The following MRTFB variants were observed in gnomAD, a reference collection of about 807,000 sequenced individuals.
MRTFB encodes the protein myocardin related transcription factor B, also known as myocardin-related transcription factor B.
MRTFB carries 29 observed loss-of-function variants against 104.2 expected under a neutral mutation model. The ratio of observed to expected loss-of-function variants is 0.28; its 90% confidence interval spans 0.21 to 0.38. MRTFB has a LOEUF of 0.38. MRTFB is among the 10% of genes least tolerant of loss of function. MRTFB has a pLI of 1.00. For synonymous variants in MRTFB, 535 were observed against 519.5 expected, an observed-to-expected ratio of 1.03 and a Z score of -0.41; for missense variants, 1,270 against 1,341.6, an observed-to-expected ratio of 0.95 and a Z score of 0.83.
intron 2 of MRTFB, among the ~76,000 whole-genome samples, chr16:14,085,567 A>G (rs1308620448): frequency 6.6e-6 from 1 of 151,962 alleles, no homozygotes; most frequent in Non-Finnish European, 1.5e-5. Context: ...AACATTGTTG[A>G]CCATATACCA....
At chr16:14,241,631 A>G (rs1038002343) in intron 10 of MRTFB, among the ~76,000 whole-genome samples, 13 of 151,138 alleles carry the variant, frequency 8.6e-5, no homozygotes, top group African/African-American at 2.7e-4. Flanking sequence ...TGCTTTCTAC[A>G]TGTCGCGTAA....
chr16:14,069,156 G>T (rs2033552454), upstream of MRTFB, among the ~76,000 whole-genome samples: 1 of 148,542 alleles, frequency 6.7e-6, no homozygotes, highest in Non-Finnish European at 1.5e-5. Context: ...TTGTAGTAGA[G>T]AACGGGGTTT....
chr16:14,260,796 G>A lies in MRTFB; in HGVS notation c.2765-113G>A, dbSNP rs112717782. The A allele has an allele frequency of 0.029, 24,075 of 840,320 alleles. 443 individuals are homozygous for A. Among genetic ancestry groups the A allele is most frequent in the Middle Eastern group, 0.096 (367 of 3,808 alleles). The allele number at this position is 840,320 out of a possible 1,614,324, so 52.1% of individuals were successfully genotyped here. ...AGCATTCTCTTCCTACTTCTAAGAC[G>A]GACGTGCATAGAAGGAATCGCATAA... is the stretch of plus-strand genomic sequence containing the variant. On this transcript the variant is annotated intron_variant, in intron 16 of 16. Transcript: ENST00000571589.
intron 2 of MRTFB, among the ~76,000 whole-genome samples, chr16:14,100,705 T>C (rs1486363737): frequency 6.6e-6 from 1 of 152,240 alleles, no homozygotes. Context: ...TATTTGGATC[T>C]AATGTTTTCT....
chr16:14,017,711 A>ATATATATTT, the MRTFB span, among the ~76,000 whole-genome samples: 4 of 33,594 alleles, frequency 1.2e-4, no homozygotes, highest in Non-Finnish European at 1.5e-4. Flanking sequence ...ATATATATAT[A>ATATATATTT]TTTTTTTTTT....
chr16:14,171,214 T>G (rs1382860062), intron 3 of MRTFB, among the ~76,000 whole-genome samples: 1 of 152,124 alleles, frequency 6.6e-6, no homozygotes, highest in Non-Finnish European at 1.5e-5. Context: ...TTTAGTAGAG[T>G]ATTTATAAAC....
At chr16:14,004,849 C>T in the MRTFB span, among the ~76,000 whole-genome samples, 1 of 152,276 alleles carries the variant, frequency 6.6e-6, no homozygotes, top group Non-Finnish European at 1.5e-5. Flanking sequence ...TCTGGGCAGT[C>T]AGCATTTCCA....
intron 8 of MRTFB, among the ~76,000 whole-genome samples, chr16:14,221,672 GA>G (rs1567183354): frequency 6.6e-6 from 1 of 151,826 alleles, no homozygotes; most frequent in Non-Finnish European, 1.5e-5. Flanking sequence ...TTTTAATCTT[GA>G]AAATAACTCA....
intron 10 of MRTFB, among the ~76,000 whole-genome samples, chr16:14,244,883 T>TA (rs1204192730): frequency 6.6e-6 from 1 of 152,232 alleles, no homozygotes; most frequent in Non-Finnish European, 1.5e-5. Context: ...CCCTTTTACT[T>TA]AGTGCTTTTT....
the MRTFB span, among the ~76,000 whole-genome samples, chr16:14,048,880 G>GCA: frequency 6.6e-6 from 1 of 152,208 alleles, no homozygotes; most frequent in Admixed American, 6.5e-5. Flanking sequence ...GCAGAGCCAG[G>GCA]CATGTGGCAG....
Position 14,140,712 on chromosome 16 carries a change from T to C in MRTFB, c.106T>C (p.Ser36Pro). Residue 36 changes from serine to proline, a missense_variant, in exon 3 of 17, where the codon TCC becomes CCC. Ser to Pro is a moderately conservative substitution (Grantham distance 74). Around this residue, in one of 3 missense-constraint regions of MRTFB, gnomAD observed 62 missense variants for 57.2 expected, o/e 1.08. Transcript: ENST00000571589. The part of the protein sequence containing the change: ...EAVAHEFQEL[S>P]LQSSQNLPPL... ...TGTGGCTCATGAATTCCAGGAACTC[T>C]CCTTGCAGTCCAGTCAAAACTTACC... 1.2e-6 allele frequency: 2 copies of C among 1,614,164 alleles called. No homozygotes were observed. Among genetic ancestry groups the C allele is most frequent in the Non-Finnish European group, 1.7e-6 (2 of 1,180,034 alleles).
chr16:14,261,076 T>C lies in MRTFB; in HGVS notation c.2932T>C (p.Leu978=). Residue 978 remains leucine, a synonymous_variant, in exon 17 of 17, where the codon TTA becomes CTA. Coordinates refer to ENST00000571589, the MANE Select transcript of MRTFB (RefSeq NM_001308142.2). ...ACCTATGGGCAGTTTATCTGCCAGC[T>C]TAGAGAACCAACTAGAAGCTTTCTT... ...LEPMGSLSAS[L]ENQLEAFLDG... The C allele has an allele frequency of 4.3e-6, 7 of 1,614,212 alleles. No individual in the cohort carries two copies. The highest frequency in any genetic ancestry group is 5.9e-6 in the Non-Finnish European group (7 of 1,180,030).
Position 14,251,882 on chromosome 16 carries a change from A to G in MRTFB, c.2424A>G (p.Ser808=), listed in dbSNP as rs1567221160. The G allele has an allele frequency of 6.2e-7, 1 of 1,614,198 alleles. No individual in the cohort carries two copies. The highest frequency in any genetic ancestry group is 1.1e-5 in the South Asian group (1 of 91,078). The change falls in exon 14 of 17, where the codon TCA becomes TCG. Residue 808 remains serine (S), a synonymous_variant. Coordinates refer to ENST00000571589, the MANE Select transcript of MRTFB (RefSeq NM_001308142.2). ...TACAGGTTTTCACAAACTCAGCATC[A>G]TCAAATACAGTTCTTCCATATCAGA... is the stretch of plus-strand genomic sequence containing the variant. The part of the protein sequence containing the change: ...QVRKVFTNSA[S]SNTVLPYQRH...
chr16:14,135,283 T>G (rs1422791912), intron 2 of MRTFB, among the ~76,000 whole-genome samples: 3 of 152,226 alleles, frequency 2.0e-5, no homozygotes, highest in Admixed American at 2.0e-4. Flanking sequence ...TCCTCAAGCC[T>G]TGACGTTTTG....
intron 6 of MRTFB, among the ~76,000 whole-genome samples, chr16:14,215,455 T>A (rs376719863): frequency 2.6e-5 from 4 of 152,214 alleles, no homozygotes; most frequent in Non-Finnish European, 5.9e-5. Flanking sequence ...GTCATGGAGA[T>A]AGAGGAATAA....
chr16:14,108,675 T>C (rs975274984), intron 2 of MRTFB, among the ~76,000 whole-genome samples: 3 of 152,258 alleles, frequency 2.0e-5, no homozygotes, highest in Admixed American at 6.5e-5. Context: ...ATTTTATTTT[T>C]ATTTTTAAAG....
At chr16:14,160,569 A>T (rs773104368) in intron 3 of MRTFB, among the ~76,000 whole-genome samples, 1 of 151,888 alleles carries the variant, frequency 6.6e-6, no homozygotes, top group African/African-American at 2.4e-5. Flanking sequence ...CTGTTTCCCA[A>T]CCTCCTTTCA....
At chr16:14,186,655 C>G (rs1245163197) in intron 3 of MRTFB, 5 of 1,249,718 alleles carry the variant, frequency 4.0e-6, no homozygotes, top group Non-Finnish European at 5.1e-6. Flanking sequence ...ATTTTAGAAT[C>G]GTGCCTGTGT....
At chr16:14,143,473 A>G (rs971227400) in intron 3 of MRTFB, 2 of 148,814 alleles carry the variant, frequency 1.3e-5, no homozygotes, top group African/African-American at 5.0e-5. Context: ...TCTTCCCGGT[A>G]TCTTTGAATA....
Sources: allele counts gnomAD v4.1 joint callset (sites outside exome capture counted in the v4.1 genomes callset), GRCh38; gene constraint gnomAD v4.1.1; regional missense constraint gnomAD v4.1.1; transcripts MANE v1.5; gene names NCBI Gene and HGNC (gene_info 2026-07-23, HGNC 2026-07-21).